The following CCDC73 variants were observed in gnomAD, a reference collection of about 807,000 sequenced individuals.
The protein encoded by CCDC73 is coiled-coil domain-containing protein 73.
Under a neutral mutation model 116.5 loss-of-function variants are expected in CCDC73, and 95 were observed. That is an observed-to-expected ratio of 0.82 (90% CI 0.69 to 0.97). The LOEUF is 0.97. CCDC73 is among the 50% of genes least tolerant of loss of function. The pLI is 0.00. For missense variants in CCDC73, 1,066 were observed against 1,206.8 expected (o/e 0.88, Z 1.73); for synonymous variants, 398 against 401.3 (o/e 0.99, Z 0.10).
chr11:32,655,374 C>T (rs1014388967), intron 9 of CCDC73, among the ~76,000 whole-genome samples: 5 of 152,034 alleles, frequency 3.3e-5, no homozygotes, highest in African/African-American at 1.2e-4. Context: ...GTAATGAGTG[C>T]TATATTAGAA....
chr11:32,789,860 T>C (rs1850660529), intron 1 of CCDC73, among the ~76,000 whole-genome samples: 1 of 152,144 alleles, frequency 6.6e-6, no homozygotes, highest in Non-Finnish European at 1.5e-5. Context: ...AATGTGATCA[T>C]GTGTGAAGAT....
At chr11:32,699,897 T>C (rs1311332159) in intron 5 of CCDC73, among the ~76,000 whole-genome samples, 1 of 148,994 alleles carries the variant, frequency 6.7e-6, no homozygotes, top group Non-Finnish European at 1.5e-5. Flanking sequence ...TATATATATA[T>C]ATATAAAAAG....
intron 9 of CCDC73, among the ~76,000 whole-genome samples, chr11:32,656,001 T>C (rs1855868107): frequency 6.6e-6 from 1 of 152,210 alleles, no homozygotes; most frequent in Non-Finnish European, 1.5e-5. Context: ...GGCTACACAG[T>C]ATCTGAACTC....
chr11:32,647,823 CT>C (rs1180182624), intron 12 of CCDC73, among the ~76,000 whole-genome samples: 2 of 147,350 alleles, frequency 1.4e-5, no homozygotes, highest in African/African-American at 5.0e-5. Flanking sequence ...GATAAACTAG[CT>C]CTCAAAAAAA....
the CCDC73 span, chr11:32,830,318 C>T: frequency 1.1e-5 from 9 of 838,584 alleles, no homozygotes; most frequent in East Asian, 3.3e-5. Context: ...TCACTGGGCA[C>T]GGCGTTTGTC....
chr11:32,615,921 A>T lies in CCDC73; in HGVS notation c.1375+19T>A. 6.7e-7 allele frequency: 1 copy of T among 1,502,774 alleles called. No individual in the cohort carries two copies. Among genetic ancestry groups the T allele is most frequent in the Non-Finnish European group, 9.0e-7 (1 of 1,106,530 alleles). The allele number at this position is 1,502,774 out of a possible 1,614,324, so 93.1% of individuals were successfully genotyped here. A position where few individuals can be genotyped will look rare whatever the true frequency, so the allele number is the denominator to read the frequency against. On this transcript the variant is annotated intron_variant, in intron 15 of 17. Coordinates refer to ENST00000335185, the MANE Select transcript of CCDC73 (RefSeq NM_001008391.4). ...ATCAACATACAAATTAGAAAATATC[A>T]ATATAATTTTAAGGTTACCATCTAT...
At chr11:32,779,529 T>C (rs1299256537) in intron 1 of CCDC73, among the ~76,000 whole-genome samples, 2 of 152,204 alleles carry the variant, frequency 1.3e-5, no homozygotes, top group African/African-American at 4.8e-5. Flanking sequence ...TGTCAATTCA[T>C]AATGCCAAAA....
intron 1 of CCDC73, among the ~76,000 whole-genome samples, chr11:32,790,312 T>C (rs1850663860): frequency 6.6e-6 from 1 of 152,190 alleles, no homozygotes; most frequent in African/African-American, 2.4e-5. Context: ...CACACCAATT[T>C]CTCCTTTTCC....
rs1855439490 is a variant in CCDC73 at position 32,613,353 on chromosome 11, A to G, written c.2896+69T>C. 4 of 1,265,878 alleles carry G rather than the reference A, an allele frequency of 3.2e-6. No individual in the cohort carries two copies. The Admixed American group carries it at 6.8e-5, about 22-fold the overall frequency. 78.4% of individuals were successfully genotyped at this position (1,265,878 alleles called of 1,614,324 possible). On this transcript the variant is annotated intron_variant, in intron 16 of 17. Coordinates refer to ENST00000335185, the MANE Select transcript of CCDC73 (RefSeq NM_001008391.4). The stretch of plus-strand genomic sequence containing the variant: ...TTTAAAACAAAATTTACAAAATATG[A>G]CTGTACACATTTATCAAGAATAAGT...
At chr11:32,812,586 T>C in the CCDC73 span, among the ~76,000 whole-genome samples, 4 of 151,690 alleles carry the variant, frequency 2.6e-5, no homozygotes, top group Non-Finnish European at 5.9e-5. Context: ...GGAGAATCAC[T>C]TGAACCCAGG....
chr11:32,788,891 A>G (rs1240261184), intron 1 of CCDC73, among the ~76,000 whole-genome samples: 6 of 152,214 alleles, frequency 3.9e-5, no homozygotes, highest in African/African-American at 1.4e-4. Flanking sequence ...TAAACAAAAA[A>G]GGGTGCTATA....
chr11:32,826,386 CTT>C, the CCDC73 span, among the ~76,000 whole-genome samples: 1 of 152,170 alleles, frequency 6.6e-6, no homozygotes, highest in Non-Finnish European at 1.5e-5. Flanking sequence ...GTGGAGGTGA[CTT>C]TACTTACAGA....
intron 3 of CCDC73, among the ~76,000 whole-genome samples, chr11:32,717,687 A>G (rs953858158): frequency 6.6e-6 from 1 of 152,190 alleles, no homozygotes; most frequent in South Asian, 2.1e-4. Context: ...ATCTGAGAGA[A>G]AAAAAATACT....
At chr11:32,677,286 TCTTCATTACAACATGGACTAAA>T (rs1413843269) in intron 7 of CCDC73, among the ~76,000 whole-genome samples, 247 of 152,324 alleles carry the variant, frequency 1.6e-3, no homozygotes, top group African/African-American at 5.7e-3. Context: ...AAATACTTTT[TCTTCATTACAACATGGACTAAA>T]CTTCATTACA....
chr11:32,788,144 T>A (rs1434428467), intron 1 of CCDC73, among the ~76,000 whole-genome samples: 1 of 152,242 alleles, frequency 6.6e-6, no homozygotes, highest in African/African-American at 2.4e-5. Context: ...AGGCAGGCAC[T>A]AAATTAATTT....
At chr11:32,759,982 T>C in intron 2 of CCDC73, 127 bp downstream of exon 2, 1 of 747,402 alleles carries the variant, frequency 1.3e-6, no homozygotes, top group Non-Finnish European at 2.3e-6. Flanking sequence ...TTTTACTTCA[T>C]TAATTGGACT....
chr11:32,606,342 TG>T (rs1241604219), intron 17 of CCDC73: 1 of 152,258 alleles, frequency 6.6e-6, no homozygotes, highest in Non-Finnish European at 1.5e-5. Context: ...TTCAGCTTTG[TG>T]GGCCAAATGG....
chr11:32,784,500 G>A (rs1471969830), intron 1 of CCDC73, among the ~76,000 whole-genome samples: 1 of 152,176 alleles, frequency 6.6e-6, no homozygotes, highest in Non-Finnish European at 1.5e-5. Context: ...TGTGAAGAAG[G>A]AGAAGTTAGA....
chr11:32,768,264 T>C (rs1421548901), intron 1 of CCDC73, among the ~76,000 whole-genome samples: 5 of 152,056 alleles, frequency 3.3e-5, no homozygotes, highest in South Asian at 2.1e-4. Flanking sequence ...TAGGTGGGAA[T>C]TGAACAATGA....
Sources: allele counts gnomAD v4.1 joint callset (sites outside exome capture counted in the v4.1 genomes callset), GRCh38; gene constraint gnomAD v4.1.1; transcripts MANE v1.5; gene names NCBI Gene and HGNC (gene_info 2026-07-23, HGNC 2026-07-21).